Variants in OPCML observed in about 807,000 individuals in gnomAD.
OPCML encodes the protein opioid-binding protein/cell adhesion molecule.
OPCML carries 13 observed loss-of-function variants against 37.8 expected under a neutral mutation model. The ratio of observed to expected loss-of-function variants is 0.34; its 90% CI spans 0.22 to 0.55. OPCML has a LOEUF of 0.55. Ranked by LOEUF, OPCML falls within the 20% of genes least tolerant of loss-of-function variation. The probability of loss-of-function intolerance (pLI) is 0.91; values close to 1 mark genes in which losing one functional copy is unlikely to be tolerated. For synonymous variants in OPCML, 176 were observed against 168.8 expected, an observed-to-expected ratio of 1.04 and a Z score of -0.33; for missense variants, 341 against 435.6, an observed-to-expected ratio of 0.78 and a Z score of 1.93.
intron 1 of OPCML, among the ~76,000 whole-genome samples, chr11:133,255,962 T>C (rs565817834): frequency 1.6e-4 from 24 of 152,382 alleles, no homozygotes; most frequent in African/African-American, 5.8e-4. Flanking sequence ...GACTATTTAA[T>C]ATTCCATGTT....
chr11:132,818,485 C>T (rs1190548254), intron 2 of OPCML, among the ~76,000 whole-genome samples: 3 of 151,674 alleles, frequency 2.0e-5, no homozygotes, highest in Non-Finnish European at 4.4e-5. Flanking sequence ...TGAACTGCAG[C>T]ATCAGCTTTT....
intron 1 of OPCML, among the ~76,000 whole-genome samples, chr11:133,077,502 G>A (rs770025590): frequency 1.3e-5 from 2 of 152,156 alleles, no homozygotes; most frequent in African/African-American, 4.8e-5. Context: ...AAAGGGAAAT[G>A]TCAGAGCTTG....
At chr11:132,545,941 G>A (rs777338197) in intron 3 of OPCML, among the ~76,000 whole-genome samples, 3 of 152,194 alleles carry the variant, frequency 2.0e-5, no homozygotes, top group Non-Finnish European at 2.9e-5. Context: ...GGCTTAAAAT[G>A]TAAATGCATC....
intron 3 of OPCML, among the ~76,000 whole-genome samples, chr11:132,643,074 C>T (rs1000962022): frequency 1.3e-5 from 2 of 152,036 alleles, no homozygotes; most frequent in Non-Finnish European, 2.9e-5. Context: ...CTGTGCCCCA[C>T]GTGGGAATAT....
At chr11:132,546,266 T>C (rs1423142369) in intron 3 of OPCML, among the ~76,000 whole-genome samples, 2 of 152,048 alleles carry the variant, frequency 1.3e-5, no homozygotes, top group Non-Finnish European at 2.9e-5. Flanking sequence ...TTTTAAAAAG[T>C]GTTTATTTAT....
chr11:132,717,418 A>C (rs1205063130), intron 2 of OPCML, among the ~76,000 whole-genome samples: 1 of 152,222 alleles, frequency 6.6e-6, no homozygotes, highest in Non-Finnish European at 1.5e-5. Flanking sequence ...TAAGCTGAAA[A>C]TGTCCACAGA....
intron 2 of OPCML, among the ~76,000 whole-genome samples, chr11:132,901,141 C>G (rs985929259): frequency 6.6e-6 from 1 of 152,050 alleles, no homozygotes; most frequent in African/African-American, 2.4e-5. Context: ...CATCATGCCA[C>G]TGCACTCCAG....
chr11:133,080,546 C>T (rs1486538748), intron 1 of OPCML, among the ~76,000 whole-genome samples: 2 of 149,218 alleles, frequency 1.3e-5, no homozygotes, highest in Non-Finnish European at 3.0e-5. Context: ...ATAATGCTGC[C>T]TGAGACAAGA....
rs141840168 is a variant in OPCML, at chr11:133,318,463, A to G, written c.61+213801T>C. ...TTTGGTCTGTTTAGTTAGAATCGCC[A>G]TGACCCCTGCTGTTTCCTCTTAGTA... On this transcript the variant is annotated intron_variant, in intron 1 of 7. Transcript: ENST00000524381. Among the ~76,000 whole-genome samples the G allele has an allele frequency of 6.7e-3, 1,006 of 151,154 alleles. 2 individuals are homozygous for G. Among genetic ancestry groups the G allele is most frequent in the Middle Eastern group, 0.014 (4 of 294 alleles).
chr11:133,230,185 C>T (rs1247252826), intron 1 of OPCML, among the ~76,000 whole-genome samples: 1 of 152,208 alleles, frequency 6.6e-6, no homozygotes, highest in Non-Finnish European at 1.5e-5. Context: ...GAATGAAGAA[C>T]TGAATACATT....
At position 133,206,358 on chromosome 11, in the gene OPCML, C is replaced by T. The variant is rs921837683; in HGVS notation, c.62-263348G>A. 1.6e-4 allele frequency among the ~76,000 whole-genome samples: 25 copies of T among 152,164 alleles called. No individual in the cohort carries two copies. Among genetic ancestry groups the T allele is most frequent in the African/African-American group, 5.5e-4 (23 of 41,444 alleles). On this transcript the variant is annotated intron_variant, in intron 1 of 7. Coordinates refer to ENST00000524381, the MANE Select transcript of OPCML (RefSeq NM_001012393.5). This position sits in a 1 kb window ranked among gnomAD's most constrained non-coding sequence, Gnocchi z 4.7. The stretch of plus-strand genomic sequence containing the variant: ...GAGTTCAGTTCTGTATCTACTACCA[C>T]GTAGCAATGAAACATTTAGGAAACT...
intron 1 of OPCML, among the ~76,000 whole-genome samples, chr11:133,110,663 C>T (rs1285153578): frequency 1.3e-5 from 2 of 152,270 alleles, no homozygotes; most frequent in East Asian, 3.9e-4. Flanking sequence ...GTGTTTCATT[C>T]GTTCAGTGCT....
chr11:132,726,558 G>A (rs1261972641), intron 2 of OPCML, among the ~76,000 whole-genome samples: 1 of 151,736 alleles, frequency 6.6e-6, no homozygotes, highest in Non-Finnish European at 1.5e-5. Flanking sequence ...CAGTTTTGAA[G>A]ACTTAGTCTA....
chr11:132,639,153 T>C (rs1940698231), intron 3 of OPCML, among the ~76,000 whole-genome samples: 1 of 152,198 alleles, frequency 6.6e-6, no homozygotes, highest in Non-Finnish European at 1.5e-5. Context: ...AAATCAAAAC[T>C]GGTCAGGACC....
chr11:133,529,488 G>A (rs1259325626), intron 1 of OPCML, among the ~76,000 whole-genome samples: 1 of 152,164 alleles, frequency 6.6e-6, no homozygotes, highest in Non-Finnish European at 1.5e-5. Flanking sequence ...TTGGGTGTGG[G>A]CTCATCTCAG....
At chr11:132,713,020 C>T (rs1026302222) in intron 2 of OPCML, among the ~76,000 whole-genome samples, 1 of 152,104 alleles carries the variant, frequency 6.6e-6, no homozygotes. Flanking sequence ...GCGCTTTCCA[C>T]ACCCCAACAC....
At chr11:133,047,675 G>T (rs576000594) in intron 1 of OPCML, among the ~76,000 whole-genome samples, 1 of 152,076 alleles carries the variant, frequency 6.6e-6, no homozygotes, top group Non-Finnish European at 1.5e-5. Flanking sequence ...CCCCTCCTCC[G>T]TCTCTCTGCC....
chr11:132,889,825 A>G (rs1455339039), intron 2 of OPCML, among the ~76,000 whole-genome samples: 1 of 152,232 alleles, frequency 6.6e-6, no homozygotes, highest in African/African-American at 2.4e-5. Context: ...GGCATATAGG[A>G]GATGTCAATA....
At chr11:132,521,617 G>A (rs913815913) in intron 4 of OPCML, among the ~76,000 whole-genome samples, 1 of 151,992 alleles carries the variant, frequency 6.6e-6, no homozygotes, top group South Asian at 2.1e-4. Context: ...GGGTGTGAGG[G>A]GGAAGGGGAG....
Sources: allele counts gnomAD v4.1 joint callset (sites outside exome capture counted in the v4.1 genomes callset), GRCh38; gene constraint gnomAD v4.1.1; non-coding constraint Gnocchi (gnomAD v3.1); transcripts MANE v1.5; gene names NCBI Gene and HGNC (gene_info 2026-07-23, HGNC 2026-07-21).